Variants in ADGRL2 observed in about 807,000 individuals in gnomAD.
The protein encoded by ADGRL2 is adhesion G protein-coupled receptor L2, also known as calcium-independent alpha-latrotoxin receptor 2.
In ADGRL2, 44 loss-of-function variants were observed where a neutral mutation model predicts 157.4. The observed-to-expected ratio is 0.28, with a 90% CI of 0.22 to 0.36. The LOEUF (loss-of-function observed/expected upper bound fraction) is 0.36. ADGRL2 is among the 10% of genes least tolerant of loss of function. The probability of loss-of-function intolerance (pLI) is 1.00; values close to 1 mark genes in which losing one functional copy is unlikely to be tolerated. For missense variants in ADGRL2, 1,510 were observed against 1,768.9 expected (o/e 0.85, Z 2.63); for synonymous variants, 585 against 624.7 (o/e 0.94, Z 0.95).
At chr1:81,658,501 C>T (rs1438991636) in intron 3 of ADGRL2, among the ~76,000 whole-genome samples, 1 of 152,158 alleles carries the variant, frequency 6.6e-6, no homozygotes, top group Non-Finnish European at 1.5e-5. Flanking sequence ...GGGCTTTAGG[C>T]ATACCCATCA....
At chr1:81,382,531 T>C (rs1174639846) in intron 1 of ADGRL2, among the ~76,000 whole-genome samples, 1 of 152,162 alleles carries the variant, frequency 6.6e-6, no homozygotes, top group Non-Finnish European at 1.5e-5. Context: ...TTATTTGCTT[T>C]TTTAAAAGCA....
chr1:81,459,399 G>C (rs2077875023), intron 2 of ADGRL2, among the ~76,000 whole-genome samples: 1 of 152,130 alleles, frequency 6.6e-6, no homozygotes, highest in Admixed American at 6.5e-5. Context: ...ACCTCAAGTA[G>C]AATCAAGTAG....
At chr1:81,838,935 A>G (rs1294591913) in intron 2 of ADGRL2, among the ~76,000 whole-genome samples, 1 of 151,798 alleles carries the variant, frequency 6.6e-6, no homozygotes, top group Non-Finnish European at 1.5e-5. Context: ...CATACTGCTA[A>G]CTGCTAATTG....
At chr1:81,732,787 T>A (rs1428653525) in intron 1 of ADGRL2, among the ~76,000 whole-genome samples, 1 of 152,312 alleles carries the variant, frequency 6.6e-6, no homozygotes, top group East Asian at 1.9e-4. Flanking sequence ...TATGTTGAAA[T>A]GGATGGAATA....
chr1:81,502,508 G>A (rs970041509), intron 2 of ADGRL2: 26 of 1,613,852 alleles, frequency 1.6e-5, no homozygotes, highest in Non-Finnish European at 2.0e-5. Flanking sequence ...CCCCATCATG[G>A]CCAAACAGAT....
intron 3 of ADGRL2, chr1:81,586,325 A>G (rs1031160695): frequency 6.6e-6 from 1 of 152,022 alleles, no homozygotes; most frequent in African/African-American, 2.4e-5. Context: ...TTCTTCATGC[A>G]GAGATTCCTT....
chr1:81,693,843 A>G (rs1199826939), intron 3 of ADGRL2, among the ~76,000 whole-genome samples: 2 of 152,210 alleles, frequency 1.3e-5, no homozygotes, highest in Non-Finnish European at 2.9e-5. Context: ...CAGAAAAGAT[A>G]TGGACTGGCC....
chr1:81,613,042 G>A (rs982220449), intron 3 of ADGRL2, among the ~76,000 whole-genome samples: 4 of 152,108 alleles, frequency 2.6e-5, no homozygotes, highest in Non-Finnish European at 4.4e-5. Flanking sequence ...GAAGAGACAA[G>A]GAAACAAATT....
intron 2 of ADGRL2, chr1:81,557,201 C>A: frequency 5.5e-6 from 1 of 180,820 alleles, no homozygotes; most frequent in South Asian, 1.4e-4. Flanking sequence ...CGATGCTGGC[C>A]GGCTTTTCAA....
At chr1:81,888,753 G>A (rs994827327) in intron 2 of ADGRL2, among the ~76,000 whole-genome samples, 7 of 152,024 alleles carry the variant, frequency 4.6e-5, no homozygotes, top group Admixed American at 4.6e-4. Flanking sequence ...CGCCCGGCCT[G>A]CTTTTTTTAT....
chr1:81,914,622 G>A lies in ADGRL2; in HGVS notation c.287+7392G>A, dbSNP rs552806633. On this transcript the variant is annotated intron_variant, in intron 3 of 23. Coordinates refer to ENST00000686636, the MANE Select transcript of ADGRL2 (RefSeq NM_001366006.2). ...TGTCCATTAGGGTAAAATACATACGGGGGAAATGAAATAACTTGGCCGCTC... is the reference window on the plus strand; with the variant it reads ...TGTCCATTAGGGTAAAATACATACGAGGGAAATGAAATAACTTGGCCGCTC... Among the ~76,000 whole-genome samples, 18 of 152,170 alleles carry A rather than the reference G, an allele frequency of 1.2e-4. No individual in the cohort carries two copies. The South Asian group carries it at 2.5e-3, about 21-fold the overall frequency.
intron 2 of ADGRL2, among the ~76,000 whole-genome samples, chr1:81,477,345 C>A (rs1456684791): frequency 6.6e-6 from 1 of 152,110 alleles, no homozygotes; most frequent in Non-Finnish European, 1.5e-5. Context: ...TTCATGCCAA[C>A]CTGAAGAAAA....
At chr1:81,459,600 C>T (rs1320283352) in intron 2 of ADGRL2, among the ~76,000 whole-genome samples, 1 of 152,000 alleles carries the variant, frequency 6.6e-6, no homozygotes, top group African/African-American at 2.4e-5. Context: ...TGTTTCCACA[C>T]CTTGGTTATT....
intron 1 of ADGRL2, among the ~76,000 whole-genome samples, chr1:81,325,314 A>T (rs1191615232): frequency 6.6e-6 from 1 of 152,150 alleles, no homozygotes; most frequent in Non-Finnish European, 1.5e-5. Context: ...CAGAGTCAGA[A>T]GTCTACCCGA....
At chr1:81,921,251 A>G (rs937318055) in intron 3 of ADGRL2, among the ~76,000 whole-genome samples, 2 of 152,218 alleles carry the variant, frequency 1.3e-5, no homozygotes, top group Non-Finnish European at 2.9e-5. Context: ...GTAATGTTTT[A>G]TGAGTATACT....
intron 2 of ADGRL2, among the ~76,000 whole-genome samples, chr1:81,549,494 C>A (rs1009593595): frequency 6.6e-6 from 1 of 152,080 alleles, no homozygotes; most frequent in African/African-American, 2.4e-5. Flanking sequence ...TACTGACATG[C>A]CAAATAGTTG....
At chr1:81,838,197 G>T (rs1443442175) in intron 2 of ADGRL2, among the ~76,000 whole-genome samples, 1 of 151,866 alleles carries the variant, frequency 6.6e-6, no homozygotes, top group Non-Finnish European at 1.5e-5. Context: ...TACTTGAATT[G>T]CTTGTTCCAA....
At chr1:81,670,688 C>T (rs1209919890) in intron 3 of ADGRL2, among the ~76,000 whole-genome samples, 4 of 152,208 alleles carry the variant, frequency 2.6e-5, no homozygotes, top group Non-Finnish European at 2.9e-5. Context: ...TTCGAAAAGA[C>T]TCTGTTTCAC....
At chr1:81,632,620 G>A (rs1014194742) in intron 3 of ADGRL2, among the ~76,000 whole-genome samples, 3 of 152,122 alleles carry the variant, frequency 2.0e-5, no homozygotes, top group South Asian at 2.1e-4. Flanking sequence ...TTAGCCGGAT[G>A]TGGTGGCAGG....
Sources: allele counts gnomAD v4.1 joint callset (sites outside exome capture counted in the v4.1 genomes callset), GRCh38; gene constraint gnomAD v4.1.1; transcripts MANE v1.5; gene names NCBI Gene and HGNC (gene_info 2026-07-23, HGNC 2026-07-21).